DEPTOR: variants seen among roughly 807,000 people sequenced by gnomAD.
The protein encoded by DEPTOR is DEP domain containing MTOR interacting protein, also known as DEP domain-containing mTOR-interacting protein.
A neutral mutation model predicts 41.6 loss-of-function variants in DEPTOR; 41 were observed. That is an observed-to-expected ratio of 0.98 (90% confidence interval 0.77 to 1.28). The LOEUF is 1.28. Among genes scored for constraint, DEPTOR ranks in the 50% most tolerant of loss-of-function variants. The pLI is 0.00. For missense variants in DEPTOR, 514 were observed against 527.9 expected (o/e 0.97, Z 0.26); for synonymous variants, 195 against 192.3 (o/e 1.01, Z -0.12).
intron 1 of DEPTOR, among the ~76,000 whole-genome samples, chr8:119,927,279 G>A (rs187935648): frequency 1.4e-4 from 21 of 152,234 alleles, no homozygotes; most frequent in Admixed American, 1.3e-4. Context: ...CATTCAGCTC[G>A]AGGGTGTATT....
At chr8:119,971,114 TCCCAGCTA>T (rs1242792284) in intron 4 of DEPTOR, among the ~76,000 whole-genome samples, 1 of 151,494 alleles carries the variant, frequency 6.6e-6, no homozygotes, top group Non-Finnish European at 1.5e-5. Flanking sequence ...CGCTTTGCAG[TCCCAGCTA>T]CTCGGGAGGC....
chr8:119,929,738 G>A, intron 2 of DEPTOR, 77 bp from the exon 3 acceptor site: 5 of 1,523,626 alleles, frequency 3.3e-6, no homozygotes, highest in Non-Finnish European at 3.6e-6. Context: ...TTCTTAATTA[G>A]CATCATACTT....
At chr8:119,926,509 T>C (rs73705828) in intron 1 of DEPTOR, among the ~76,000 whole-genome samples, 33,100 of 152,108 alleles carry the variant, frequency 0.22, 4,172 homozygotes, top group African/African-American at 0.34. Flanking sequence ...TAATAAATTG[T>C]TTTTTTAAAG....
chr8:119,975,157 T>A (rs113157350), intron 4 of DEPTOR, among the ~76,000 whole-genome samples: 9 of 152,114 alleles, frequency 5.9e-5, no homozygotes, highest in East Asian at 1.9e-4. Context: ...AAAATTTTTT[T>A]AAAAAGGACA....
chr8:119,918,938 A>AGAGTGTGTGTGTGT (rs1407784638), intron 1 of DEPTOR, among the ~76,000 whole-genome samples: 1 of 133,444 alleles, frequency 7.5e-6, no homozygotes, highest in South Asian at 2.6e-4. Context: ...TTGCATAGTG[A>AGAGTGTGTGTGTGT]GTGTGTGTGT....
At chr8:120,020,194 C>T (rs1278986654) in intron 8 of DEPTOR, among the ~76,000 whole-genome samples, 2 of 152,020 alleles carry the variant, frequency 1.3e-5, no homozygotes, top group African/African-American at 2.4e-5. Flanking sequence ...TTTAAGCGAT[C>T]TTCCTTCCTC....
intron 1 of DEPTOR, among the ~76,000 whole-genome samples, chr8:119,909,217 A>G (rs1199447572): frequency 6.6e-6 from 1 of 152,206 alleles, no homozygotes; most frequent in Non-Finnish European, 1.5e-5. Flanking sequence ...CAGCTTCCCT[A>G]CCTTGCCTCT....
intron 3 of DEPTOR, among the ~76,000 whole-genome samples, chr8:119,932,370 C>T (rs1828055277): frequency 6.6e-6 from 1 of 152,046 alleles, no homozygotes; most frequent in Non-Finnish European, 1.5e-5. Context: ...AAATGTCTGG[C>T]AGAGAACTGT....
chr8:120,008,787 T>A (rs908061796), intron 7 of DEPTOR, among the ~76,000 whole-genome samples: 1 of 152,202 alleles, frequency 6.6e-6, no homozygotes, highest in African/African-American at 2.4e-5. Context: ...TATTGAATCA[T>A]GCCCTCATGG....
rs148465030 is a variant in DEPTOR, at chr8:120,034,443, C to CTTTTTTT, written c.1102-15117_1102-15111dup. Among the ~76,000 whole-genome samples, 149 of 91,550 alleles carry CTTTTTTT rather than the reference C, an allele frequency of 1.6e-3. 1 individual carries two copies. Among genetic ancestry groups the CTTTTTTT allele is most frequent in the East Asian group, 3.3e-3 (10 of 3,060 alleles). The allele number at this position is 91,550 out of a possible 152,430, so 60.1% of individuals were successfully genotyped here. A position where few individuals can be genotyped will look rare whatever the true frequency, so the allele number is the denominator to read the frequency against. ...TTTTTTTTTCTTTTTTTTCCTTTTT[C>CTTTTTTT]TTTTTTTTTTTTTTTTTTTTTTGAG... On this transcript the variant is annotated intron_variant, in intron 8 of 8. Coordinates refer to ENST00000286234, the MANE Select transcript of DEPTOR (RefSeq NM_022783.4).
chr8:119,998,999 C>G (rs975909689), intron 4 of DEPTOR, among the ~76,000 whole-genome samples: 1 of 150,298 alleles, frequency 6.7e-6, no homozygotes, highest in African/African-American at 2.4e-5. Context: ...CACGGAGGCT[C>G]GTGTCTGTAA....
intron 1 of DEPTOR, among the ~76,000 whole-genome samples, chr8:119,883,918 G>T (rs1390595891): frequency 6.6e-6 from 1 of 152,182 alleles, no homozygotes; most frequent in Non-Finnish European, 1.5e-5. Context: ...TGTCCTTTGT[G>T]TGCAGAGCAG....
intron 4 of DEPTOR, among the ~76,000 whole-genome samples, chr8:120,000,060 A>G (rs565449424): frequency 6.6e-6 from 1 of 152,182 alleles, no homozygotes; most frequent in African/African-American, 2.4e-5. Context: ...TTATTTATGT[A>G]AGGGGTTACC....
At chr8:120,007,934 A>G (rs1183730637) in intron 7 of DEPTOR, among the ~76,000 whole-genome samples, 1 of 152,218 alleles carries the variant, frequency 6.6e-6, no homozygotes, top group Non-Finnish European at 1.5e-5. Context: ...CAAGAGAGGT[A>G]GATTGTTATT....
intron 8 of DEPTOR, among the ~76,000 whole-genome samples, chr8:120,034,595 C>A (rs539398801): frequency 6.0e-4 from 91 of 151,628 alleles, no homozygotes; most frequent in African/African-American, 2.1e-3. Flanking sequence ...TTACAGGCGC[C>A]AGCCACCACG....
intron 1 of DEPTOR, among the ~76,000 whole-genome samples, chr8:119,888,062 C>T (rs528983010): frequency 6.6e-6 from 1 of 152,262 alleles, no homozygotes; most frequent in African/African-American, 2.4e-5. Context: ...CTCAAGTAAT[C>T]TTCCCACCTT....
At chr8:119,910,629 C>T (rs893173396) in intron 1 of DEPTOR, among the ~76,000 whole-genome samples, 1 of 151,862 alleles carries the variant, frequency 6.6e-6, no homozygotes, top group African/African-American at 2.4e-5. Context: ...TCAATAGAGA[C>T]AGGGTTTCAC....
At chr8:120,034,288 CA>C (rs1812940271) in intron 8 of DEPTOR, among the ~76,000 whole-genome samples, 2 of 151,156 alleles carry the variant, frequency 1.3e-5, no homozygotes, top group Non-Finnish European at 3.0e-5. Context: ...CACACACACA[CA>C]CACACACACA....
chr8:119,979,135 T>A (rs1287315338), intron 4 of DEPTOR, among the ~76,000 whole-genome samples: 2 of 152,166 alleles, frequency 1.3e-5, no homozygotes, highest in Non-Finnish European at 2.9e-5. Context: ...CTCACATACA[T>A]CTATCCTGAC....
Sources: allele counts gnomAD v4.1 joint callset (sites outside exome capture counted in the v4.1 genomes callset), GRCh38; gene constraint gnomAD v4.1.1; transcripts MANE v1.5; gene names NCBI Gene and HGNC (gene_info 2026-07-23, HGNC 2026-07-21).